Variants in ATXN1 observed in about 807,000 individuals in gnomAD.
ATXN1 encodes the protein ataxin 1.
Under a neutral mutation model 56.4 loss-of-function variants are expected in ATXN1, and 8 were observed. The observed-to-expected ratio is 0.14, with a 90% CI of 0.08 to 0.26. The LOEUF (loss-of-function observed/expected upper bound fraction) is 0.26. Ranked by LOEUF, ATXN1 falls within the 10% of genes least tolerant of loss-of-function variation. The probability of loss-of-function intolerance (pLI) is 1.00; values close to 1 mark genes in which losing one functional copy is unlikely to be tolerated. For missense variants in ATXN1, 987 were observed against 1,106.5 expected, an observed-to-expected ratio of 0.89 and a Z score of 1.53; for synonymous variants, 514 against 494.6, an observed-to-expected ratio of 1.04 and a Z score of -0.52.
chr6:16,759,530 G>GTTTTTT lies in ATXN1; in HGVS notation c.-730+1762_-730+1767dup, dbSNP rs1046854905. 3.1e-3 allele frequency among the ~76,000 whole-genome samples: 141 copies of GTTTTTT among 45,966 alleles called. 38 individuals carry two copies. The highest frequency in any genetic ancestry group is 0.014 in the East Asian group (21 of 1,526). The allele number at this position is 45,966 out of a possible 152,430, so 30.2% of individuals were successfully genotyped here. On this transcript the variant is annotated intron_variant, in intron 1 of 7. Coordinates refer to ENST00000436367, the MANE Select transcript of ATXN1 (RefSeq NM_001128164.2). ...ATTATATAACCAGCTTCTTCCGACTGTTTTTTTTTTTTTTTTTTTTTTTTT... is the reference window on the plus strand; with the variant it reads ...ATTATATAACCAGCTTCTTCCGACTGTTTTTTTTTTTTTTTTTTTTTTTTTTTTTTT...
intron 3 of ATXN1, among the ~76,000 whole-genome samples, chr6:16,637,672 TATTAA>T (rs1763624870): frequency 1.3e-5 from 2 of 152,168 alleles, no homozygotes; most frequent in South Asian, 4.1e-4. Context: ...ATAAAATAGC[TATTAA>T]ATTAATTTTC....
chr6:16,534,571 A>T (rs1455812165), intron 4 of ATXN1, among the ~76,000 whole-genome samples: 1 of 152,002 alleles, frequency 6.6e-6, no homozygotes, highest in African/African-American at 2.4e-5. Context: ...AGGTAATAAC[A>T]TGATGTCAAC....
intron 4 of ATXN1, among the ~76,000 whole-genome samples, chr6:16,561,661 T>C (rs1278250873): frequency 6.6e-6 from 1 of 152,218 alleles, no homozygotes; most frequent in Non-Finnish European, 1.5e-5. Context: ...AAAAAAAAGA[T>C]AACTTCCTGG....
At chr6:16,390,637 C>T (rs9477122) in intron 6 of ATXN1, among the ~76,000 whole-genome samples, 21,600 of 150,826 alleles carry the variant, frequency 0.14, 1,816 homozygotes, top group African/African-American at 0.23. Flanking sequence ...AATCCATTTA[C>T]GAAAAACAAG....
intron 4 of ATXN1, among the ~76,000 whole-genome samples, chr6:16,550,336 T>C (rs912792011): frequency 6.6e-6 from 1 of 152,094 alleles, no homozygotes; most frequent in Non-Finnish European, 1.5e-5. Context: ...AACCACATGC[T>C]CCTGTCAACT....
intron 2 of ATXN1, among the ~76,000 whole-genome samples, chr6:16,706,767 G>T (rs936906288): frequency 2.6e-5 from 4 of 151,508 alleles, no homozygotes; most frequent in Non-Finnish European, 5.9e-5. Context: ...ACCCTGAGAG[G>T]GTTAAGTGCT....
intron 4 of ATXN1, among the ~76,000 whole-genome samples, chr6:16,540,296 C>A (rs1385330574): frequency 6.6e-6 from 1 of 152,022 alleles, no homozygotes; most frequent in Non-Finnish European, 1.5e-5. Context: ...AATGCAACCT[C>A]CGCCTCCTGG....
intron 4 of ATXN1, among the ~76,000 whole-genome samples, chr6:16,583,244 G>C (rs1168143555): frequency 6.6e-6 from 1 of 152,188 alleles, no homozygotes; most frequent in Non-Finnish European, 1.5e-5. Context: ...AACGAATGCA[G>C]CGTCTACATA....
chr6:16,498,457 C>T (rs1760819445), intron 5 of ATXN1, among the ~76,000 whole-genome samples: 1 of 152,140 alleles, frequency 6.6e-6, no homozygotes, highest in African/African-American at 2.4e-5. Context: ...CATTCATGTA[C>T]ATGTTTTTGT....
intron 4 of ATXN1, among the ~76,000 whole-genome samples, chr6:16,572,881 T>C (rs1311915801): frequency 6.6e-6 from 1 of 152,208 alleles, no homozygotes; most frequent in African/African-American, 2.4e-5. Context: ...CACAGCATCC[T>C]CTATCTTGGC....
chr6:16,480,634 T>C (rs770409419), intron 6 of ATXN1, among the ~76,000 whole-genome samples: 6 of 152,176 alleles, frequency 3.9e-5, no homozygotes, highest in Non-Finnish European at 5.9e-5. Flanking sequence ...TATCATGTAA[T>C]TGAGTGAACT....
Position 16,509,823 on chromosome 6 carries a change from A to G in ATXN1, c.-299+12804T>C, listed in dbSNP as rs1330501654. Among the ~76,000 whole-genome samples the G allele has an allele frequency of 2.0e-5, 3 of 152,140 alleles. 1 individual carries two copies. The highest frequency in any genetic ancestry group is 2.9e-5 in the Non-Finnish European group (2 of 68,006). On this transcript the variant is annotated intron_variant, in intron 5 of 7. Coordinates refer to ENST00000436367, the MANE Select transcript of ATXN1 (RefSeq NM_001128164.2). ...ATCCCAGACTGTCTGACAGTCTACA[A>G]TATGGCTTCCACTTACCTTCCCAAC...
intron 6 of ATXN1, among the ~76,000 whole-genome samples, chr6:16,435,277 G>C (rs1329495171): frequency 1.3e-5 from 2 of 152,060 alleles, no homozygotes; most frequent in African/African-American, 4.8e-5. Flanking sequence ...GATGATGAGA[G>C]GTCTGGCCTA....
At chr6:16,650,466 C>T (rs1336272912) in intron 3 of ATXN1, among the ~76,000 whole-genome samples, 1 of 152,162 alleles carries the variant, frequency 6.6e-6, no homozygotes, top group African/African-American at 2.4e-5. Flanking sequence ...ATTAAAAATA[C>T]CTTCATTCTT....
chr6:16,463,154 C>A (rs563387613), intron 6 of ATXN1, among the ~76,000 whole-genome samples: 3 of 152,168 alleles, frequency 2.0e-5, no homozygotes, highest in African/African-American at 7.2e-5. Context: ...TTGGCAAGTA[C>A]TCTAGGAGTA....
intron 3 of ATXN1, among the ~76,000 whole-genome samples, chr6:16,626,213 G>A (rs1763403696): frequency 6.6e-6 from 1 of 152,212 alleles, no homozygotes; most frequent in Admixed American, 6.5e-5. Flanking sequence ...GTTAACATCT[G>A]AAAAGGCTAT....
At chr6:16,405,647 C>T (rs538317093) in intron 6 of ATXN1, among the ~76,000 whole-genome samples, 31 of 152,304 alleles carry the variant, frequency 2.0e-4, no homozygotes, top group African/African-American at 7.2e-4. Flanking sequence ...ACTCTGGCGG[C>T]CGAAGCATCC....
intron 6 of ATXN1, among the ~76,000 whole-genome samples, chr6:16,443,992 T>A (rs1200898179): frequency 1.3e-5 from 2 of 151,844 alleles, no homozygotes. Context: ...GGCGGGCGCC[T>A]GTAGTCCCAG....
chr6:16,760,346 C>A lies in ATXN1; in HGVS notation c.-730+952G>T, dbSNP rs572512657. Among the ~76,000 whole-genome samples the A allele has an allele frequency of 6.6e-6, 1 of 151,902 alleles. No homozygotes were observed. On this transcript the variant is annotated intron_variant, in intron 1 of 7. Transcript: ENST00000436367. This position sits in a 1 kb window ranked among gnomAD's most constrained non-coding sequence, Gnocchi z 5.3. Reference sequence around the variant, plus strand: ...CAGGGCAGCGCCTGCCGCGGCTCCTCGTCTCCTGCCGCGGGTGCTGGCGGG... The same window carrying A: ...CAGGGCAGCGCCTGCCGCGGCTCCTAGTCTCCTGCCGCGGGTGCTGGCGGG...
Sources: gnomAD v4.1 joint callset for allele counts (sites outside exome capture counted in the v4.1 genomes callset) on GRCh38, gnomAD v4.1.1 for gene constraint, Gnocchi (gnomAD v3.1) non-coding constraint, MANE v1.5 for transcripts, NCBI Gene and HGNC (gene_info 2026-07-23, HGNC 2026-07-21) for gene names.